The following MYO3A variants were observed in gnomAD, a reference collection of about 807,000 sequenced individuals.
The protein encoded by MYO3A is myosin-IIIa.
In MYO3A, 180 loss-of-function variants were observed where a neutral mutation model predicts 192.7. That is an observed-to-expected ratio of 0.93 (90% CI 0.83 to 1.06). MYO3A has a LOEUF of 1.06. MYO3A is among the 50% of genes least tolerant of loss of function. MYO3A has a pLI of 0.00. For synonymous variants in MYO3A, 628 were observed against 645.3 expected (o/e 0.97, Z 0.41); for missense variants, 1,896 against 1,905.0 (o/e 1.00, Z 0.09).
chr10:26,115,711 T>C (rs1192589477), intron 17 of MYO3A, among the ~76,000 whole-genome samples: 1 of 152,212 alleles, frequency 6.6e-6, no homozygotes, highest in Non-Finnish European at 1.5e-5. Context: ...CTCAGTCTTT[T>C]GAATGCTCCA....
intron 4 of MYO3A, among the ~76,000 whole-genome samples, chr10:25,960,786 G>C (rs923130149): frequency 5.9e-5 from 9 of 152,192 alleles, no homozygotes; most frequent in East Asian, 1.9e-4. Flanking sequence ...TGGTCTTGCT[G>C]TCTCAGGGTT....
chr10:26,061,589 A>T (rs1834482586), intron 10 of MYO3A, among the ~76,000 whole-genome samples: 1 of 152,240 alleles, frequency 6.6e-6, no homozygotes. Flanking sequence ...TTAAGGCAAG[A>T]TTGTGAAGGC....
At position 26,114,071 on chromosome 10, in the gene MYO3A, T is replaced by C. The variant is rs1521035; in HGVS notation, c.1777-6605T>C. Among the ~76,000 whole-genome samples the C allele has an allele frequency of 2.6e-5, 4 of 152,112 alleles. No homozygotes were observed. In the East Asian group the frequency reaches 7.7e-4, roughly 29 times the overall value. On this transcript the variant is annotated intron_variant, in intron 17 of 34. Transcript: ENST00000642920. ...GCCTGGTATGTGAGTTGCAGTAACATCCCATCCTGGGTTCCCTCCTCCCCA... is the reference window on the plus strand; with the variant it reads ...GCCTGGTATGTGAGTTGCAGTAACACCCCATCCTGGGTTCCCTCCTCCCCA...
chr10:25,977,479 A>G (rs1207021982), intron 4 of MYO3A, among the ~76,000 whole-genome samples: 1 of 152,184 alleles, frequency 6.6e-6, no homozygotes, highest in Non-Finnish European at 1.5e-5. Flanking sequence ...CCCTAACAGC[A>G]GATACAGCCA....
chr10:26,023,899 AAAGATGG>A, intron 8 of MYO3A, 116 bp from the exon 9 acceptor site: 1 of 865,880 alleles, frequency 1.2e-6, no homozygotes, highest in South Asian at 1.3e-5. Flanking sequence ...GGAATTGGGA[AAAGATGG>A]AATCCTTGAT....
At chr10:25,985,906 G>A (rs1839623095) in intron 4 of MYO3A, among the ~76,000 whole-genome samples, 1 of 152,064 alleles carries the variant, frequency 6.6e-6, no homozygotes, top group Non-Finnish European at 1.5e-5. Flanking sequence ...GGAAACTGCA[G>A]ACCAGAAGAA....
chr10:26,195,048 C>A (rs1018510690), intron 32 of MYO3A, among the ~76,000 whole-genome samples: 1 of 152,174 alleles, frequency 6.6e-6, no homozygotes, highest in African/African-American at 2.4e-5. Flanking sequence ...ACAACATTTT[C>A]ATCACCTTAA....
intron 15 of MYO3A, among the ~76,000 whole-genome samples, chr10:26,093,065 C>T (rs142856599): frequency 5.5e-4 from 83 of 152,226 alleles, no homozygotes; most frequent in Non-Finnish European, 8.7e-4. Context: ...TAACACTTAA[C>T]GGATACAATG....
chr10:26,098,711 C>T (rs1485548498), intron 17 of MYO3A, among the ~76,000 whole-genome samples: 2 of 152,168 alleles, frequency 1.3e-5, no homozygotes, highest in Non-Finnish European at 2.9e-5. Context: ...TGTCAAAGAT[C>T]AGATGGTTGT....
intron 17 of MYO3A, among the ~76,000 whole-genome samples, chr10:26,111,313 A>G (rs1037664858): frequency 6.6e-6 from 1 of 152,122 alleles, no homozygotes; most frequent in African/African-American, 2.4e-5. Flanking sequence ...CTAGGGGCAC[A>G]CTCCAAGGAG....
intron 27 of MYO3A, among the ~76,000 whole-genome samples, chr10:26,167,238 G>A (rs1302384343): frequency 6.6e-6 from 1 of 152,140 alleles, no homozygotes; most frequent in African/African-American, 2.4e-5. Flanking sequence ...TGTAGGAGAT[G>A]TGGGAGAGAA....
intron 14 of MYO3A, among the ~76,000 whole-genome samples, chr10:26,080,580 G>A (rs1381076851): frequency 1.2e-5 from 1 of 86,772 alleles, no homozygotes; most frequent in Non-Finnish European, 2.2e-5. Flanking sequence ...GTGAACTAGT[G>A]TAATTTTTTT....
chr10:26,123,919 C>G (rs1839027348), intron 18 of MYO3A, among the ~76,000 whole-genome samples: 1 of 128,362 alleles, frequency 7.8e-6, no homozygotes, highest in Non-Finnish European at 1.8e-5. Context: ...GAGCAAGACT[C>G]CATCTAAAAC....
intron 14 of MYO3A, among the ~76,000 whole-genome samples, chr10:26,071,427 A>C (rs2131394971): frequency 6.6e-6 from 1 of 152,332 alleles, no homozygotes; most frequent in Middle Eastern, 3.4e-3. Context: ...AAAAGCCATA[A>C]AATTTCTACA....
At chr10:26,125,639 C>T (rs1026267640) in intron 19 of MYO3A, 31 bp downstream of exon 19, 2 of 1,568,382 alleles carry the variant, frequency 1.3e-6, no homozygotes, top group Non-Finnish European at 1.8e-6. Flanking sequence ...ATTTTTTTCC[C>T]AAATGTCAGG....
chr10:25,983,878 A>G (rs1274107169), intron 4 of MYO3A, among the ~76,000 whole-genome samples: 1 of 152,246 alleles, frequency 6.6e-6, no homozygotes, highest in Non-Finnish European at 1.5e-5. Context: ...CAGGTAACCT[A>G]TAAAAGAAAA....
At chr10:26,049,173 A>T (rs996357898) in intron 10 of MYO3A, among the ~76,000 whole-genome samples, 1 of 152,232 alleles carries the variant, frequency 6.6e-6, no homozygotes, top group African/African-American at 2.4e-5. Flanking sequence ...GGTGAAGGAC[A>T]TATCAAGATG....
At chr10:25,956,810 G>A (rs1837573298) in intron 4 of MYO3A, among the ~76,000 whole-genome samples, 1 of 151,752 alleles carries the variant, frequency 6.6e-6, no homozygotes, top group Non-Finnish European at 1.5e-5. Flanking sequence ...TGTGTCACAG[G>A]GTTTGTTGTA....
At chr10:26,122,043 A>T (rs1838898920) in intron 18 of MYO3A, among the ~76,000 whole-genome samples, 1 of 152,208 alleles carries the variant, frequency 6.6e-6, no homozygotes, top group Admixed American at 6.5e-5. Flanking sequence ...AAAATTTTTA[A>T]TTGGCATGTA....
Sources: allele counts gnomAD v4.1 joint callset (sites outside exome capture counted in the v4.1 genomes callset), GRCh38; gene constraint gnomAD v4.1.1; transcripts MANE v1.5; gene names NCBI Gene and HGNC (gene_info 2026-07-23, HGNC 2026-07-21).